Variants in NIBAN1 observed in about 807,000 individuals in gnomAD.
NIBAN1 encodes the protein niban apoptosis regulator 1.
A neutral mutation model predicts 75.1 loss-of-function variants in NIBAN1; 81 were observed. That is an observed-to-expected ratio of 1.08 (90% CI 0.90 to 1.30). NIBAN1 has a LOEUF of 1.30. Ranked by LOEUF, NIBAN1 falls within the 50% of genes most tolerant of loss-of-function variation. The probability of loss-of-function intolerance (pLI) is 0.00; values close to 1 mark genes in which losing one functional copy is unlikely to be tolerated. For missense variants in NIBAN1, 1,133 were observed against 1,128.1 expected (o/e 1.00, Z -0.06); for synonymous variants, 436 against 424.8 (o/e 1.03, Z -0.32).
chr1:184,798,037 C>A, intron 13 of NIBAN1, 42 bp downstream of exon 13: 1 of 1,360,206 alleles, frequency 7.4e-7, no homozygotes, highest in Non-Finnish European at 1.0e-6. Flanking sequence ...GGGATGCTCC[C>A]CTCTATGGAG....
At chr1:184,967,047 C>T (rs969689706) in intron 1 of NIBAN1, among the ~76,000 whole-genome samples, 1 of 152,170 alleles carries the variant, frequency 6.6e-6, no homozygotes, top group Non-Finnish European at 1.5e-5. Flanking sequence ...AAAAAACATA[C>T]AGTACCAAGG....
chr1:184,804,719 T>A (rs1374457293), intron 11 of NIBAN1, among the ~76,000 whole-genome samples: 1 of 152,196 alleles, frequency 6.6e-6, no homozygotes, highest in African/African-American at 2.4e-5. Flanking sequence ...TCTTTTTTTT[T>A]TTAGTTGCAT....
Position 184,818,808 on chromosome 1 carries a change from C to T in NIBAN1, c.1003G>A (p.Ala335Thr), listed in dbSNP as rs906558367. ...GKIKAMVAQPAEKSCLESVQP... is the reference protein window; with the variant it reads ...GKIKAMVAQPTEKSCLESVQP... ...ACACTCTCCAAGCAGCTTTTCTCCG[C>T]CGGCTGGGCCACCATCGCTGAGGTA... Residue 335 changes from alanine (A) to threonine (T), a missense_variant, in exon 9 of 14, where the codon GCG (alanine) becomes ACG (threonine). Physicochemically the swap from Ala to Thr is moderately conservative, Grantham distance 58. Transcript: ENST00000367511. 5 of 1,592,628 alleles carry T rather than the reference C, an allele frequency of 3.1e-6. No homozygotes were observed. In the African/African-American group the frequency reaches 5.4e-5, roughly 17 times the overall value.
chr1:184,897,663 C>T (rs1656836159), intron 2 of NIBAN1, among the ~76,000 whole-genome samples: 1 of 152,186 alleles, frequency 6.6e-6, no homozygotes, highest in Non-Finnish European at 1.5e-5. Flanking sequence ...TCCACACTAG[C>T]ATCTCAAACT....
intron 1 of NIBAN1, among the ~76,000 whole-genome samples, chr1:184,913,440 C>T (rs943943825): frequency 6.6e-6 from 1 of 152,004 alleles, no homozygotes; most frequent in Non-Finnish European, 1.5e-5. Context: ...CATATCAGCT[C>T]ACGTACCTGA....
chr1:184,923,891 G>A (rs1465036614), intron 1 of NIBAN1, among the ~76,000 whole-genome samples: 1 of 150,488 alleles, frequency 6.6e-6, no homozygotes. Flanking sequence ...ATATAGAAAT[G>A]CTACTGATTT....
At chr1:184,812,074 G>A (rs1654397567) in intron 9 of NIBAN1, among the ~76,000 whole-genome samples, 1 of 152,176 alleles carries the variant, frequency 6.6e-6, no homozygotes, top group Non-Finnish European at 1.5e-5. Flanking sequence ...CAGTGTCGCT[G>A]AAATGAATGG....
At chr1:184,961,826 A>G (rs1328736199) in intron 1 of NIBAN1, among the ~76,000 whole-genome samples, 3 of 152,226 alleles carry the variant, frequency 2.0e-5, no homozygotes, top group Non-Finnish European at 4.4e-5. Flanking sequence ...TCTTATAAGG[A>G]GACTCAAAGA....
At chr1:184,924,718 T>C (rs1011095435) in intron 1 of NIBAN1, among the ~76,000 whole-genome samples, 3 of 152,196 alleles carry the variant, frequency 2.0e-5, no homozygotes, top group African/African-American at 7.2e-5. Flanking sequence ...TACTTGTTAT[T>C]GGTCTGTTCA....
At position 184,812,514 on chromosome 1, in the gene NIBAN1, A is replaced by C. The variant is rs182524597; in HGVS notation, c.1174-4279T>G. Among the ~76,000 whole-genome samples the C allele has an allele frequency of 1.5e-3, 227 of 152,286 alleles. 1 individual carries two copies. The highest frequency in any genetic ancestry group is 4.3e-3 in the African/African-American group (177 of 41,560). On this transcript the variant is annotated intron_variant, in intron 9 of 13. Transcript: ENST00000367511. ...CCAGTCAGATTTCTGGCTTCTCTCTATATATAAAAACAGTCGAATGAATGG... is the reference window on the plus strand; with the variant it reads ...CCAGTCAGATTTCTGGCTTCTCTCTCTATATAAAAACAGTCGAATGAATGG...
chr1:184,875,898 G>A (rs1389054830), intron 5 of NIBAN1, among the ~76,000 whole-genome samples: 1 of 152,124 alleles, frequency 6.6e-6, no homozygotes, highest in East Asian at 1.9e-4. Context: ...ATAAGGCCAG[G>A]CACGATGGCT....
intron 5 of NIBAN1, among the ~76,000 whole-genome samples, chr1:184,880,753 C>T (rs1656356657): frequency 6.6e-6 from 1 of 152,156 alleles, no homozygotes; most frequent in Non-Finnish European, 1.5e-5. Flanking sequence ...TAACTACAAT[C>T]GTATTTTGCA....
Position 184,823,247 on chromosome 1 carries a change from G to A in NIBAN1, c.905C>T (p.Thr302Ile), listed in dbSNP as rs1443056845. 1.9e-6 allele frequency: 3 copies of A among 1,614,066 alleles called. No homozygotes were observed. The highest frequency in any genetic ancestry group is 4.5e-5 in the East Asian group (2 of 44,902). ...SALKEECRALTKGLEGTIRSD... is the reference protein window; with the variant it reads ...SALKEECRALIKGLEGTIRSD... ...ACGGATCGTTCCTTCCAGGCCCTTTGTCAGAGCTCTGCATTCCTCCTTCAA... is the reference window on the plus strand; with the variant it reads ...ACGGATCGTTCCTTCCAGGCCCTTTATCAGAGCTCTGCATTCCTCCTTCAA... The change falls in exon 8 of 14, where the codon ACA becomes ATA. Residue 302 changes from threonine (T) to isoleucine (I), a missense_variant. By Grantham distance (89) the Thr-to-Ile change is moderately conservative. Coordinates refer to ENST00000367511, the MANE Select transcript of NIBAN1 (RefSeq NM_052966.4).
chr1:184,962,078 C>T (rs1220493680), intron 1 of NIBAN1, among the ~76,000 whole-genome samples: 1 of 152,126 alleles, frequency 6.6e-6, no homozygotes, highest in Non-Finnish European at 1.5e-5. Context: ...CAGAGAGAGA[C>T]ATCAACATAA....
At chr1:184,955,603 C>A (rs560987579) in intron 1 of NIBAN1, among the ~76,000 whole-genome samples, 1 of 152,140 alleles carries the variant, frequency 6.6e-6, no homozygotes, top group African/African-American at 2.4e-5. Flanking sequence ...TCCCAAAGTG[C>A]TGGGATTACA....
chr1:184,973,422 G>T (rs1463714917), intron 1 of NIBAN1, among the ~76,000 whole-genome samples: 13 of 152,056 alleles, frequency 8.5e-5, no homozygotes, highest in Admixed American at 8.5e-4. Context: ...GAAGCCGAGG[G>T]TGGGGGATCT....
intron 1 of NIBAN1, among the ~76,000 whole-genome samples, chr1:184,961,286 G>T (rs1480756517): frequency 6.6e-6 from 1 of 150,942 alleles, no homozygotes; most frequent in East Asian, 2.0e-4. Flanking sequence ...AGCCAGGATG[G>T]TCTGGGTCTC....
chr1:184,834,559 T>A (rs1229582777), intron 5 of NIBAN1, among the ~76,000 whole-genome samples: 1 of 152,228 alleles, frequency 6.6e-6, no homozygotes, highest in Non-Finnish European at 1.5e-5. Context: ...CTAACTGGTA[T>A]GAGGTGGTAT....
intron 1 of NIBAN1, among the ~76,000 whole-genome samples, chr1:184,900,972 G>A (rs1390183758): frequency 6.6e-6 from 1 of 152,142 alleles, no homozygotes. Context: ...GATTTGTTTA[G>A]AGCTATCATG....
Sources: allele counts gnomAD v4.1 joint callset (sites outside exome capture counted in the v4.1 genomes callset), GRCh38; gene constraint gnomAD v4.1.1; transcripts MANE v1.5; gene names NCBI Gene and HGNC (gene_info 2026-07-23, HGNC 2026-07-21).